OXR1: variants seen among roughly 807,000 people sequenced by gnomAD.
The protein encoded by OXR1 is oxidation resistance 1.
A neutral mutation model predicts 104.6 loss-of-function variants in OXR1; 41 were observed. That is an observed-to-expected ratio of 0.39 (90% CI 0.31 to 0.51). The LOEUF (loss-of-function observed/expected upper bound fraction) is 0.51, where lower values mean the gene tolerates loss of function less well. Among genes scored for constraint, OXR1 ranks in the 20% least tolerant of loss-of-function variants. The pLI, the probability that OXR1 is intolerant of heterozygous loss-of-function variation, is 0.77. For missense variants in OXR1, 955 were observed against 1,031.9 expected (o/e 0.93, Z 1.02); for synonymous variants, 348 against 348.4 (o/e 1.00, Z 0.01).
intron 2 of OXR1, among the ~76,000 whole-genome samples, chr8:106,492,032 C>T (rs1811122661): frequency 6.6e-6 from 1 of 152,086 alleles, no homozygotes; most frequent in South Asian, 2.1e-4. Context: ...ATGGGGCCCC[C>T]AAACTAAAAT....
intron 3 of OXR1, among the ~76,000 whole-genome samples, chr8:106,648,002 G>A (rs967959453): frequency 2.0e-5 from 3 of 152,132 alleles, no homozygotes; most frequent in Non-Finnish European, 4.4e-5. Context: ...CAATGTCTCT[G>A]TGTTTTCTCA....
chr8:106,320,534 A>G (rs1015428835), intron 1 of OXR1, among the ~76,000 whole-genome samples: 3 of 152,254 alleles, frequency 2.0e-5, no homozygotes, highest in Non-Finnish European at 4.4e-5. Context: ...AGGGCAAAGT[A>G]GTATTTTAGC....
intron 3 of OXR1, among the ~76,000 whole-genome samples, chr8:106,550,483 G>C (rs891980957): frequency 6.6e-6 from 1 of 152,132 alleles, no homozygotes. Context: ...GATATGGTTT[G>C]ACTCTGAGTC....
At chr8:106,597,444 T>G (rs1341639891) in intron 3 of OXR1, among the ~76,000 whole-genome samples, 2 of 152,200 alleles carry the variant, frequency 1.3e-5, no homozygotes, top group Non-Finnish European at 2.9e-5. Context: ...CACAATCATT[T>G]TATGATATTT....
intron 2 of OXR1, among the ~76,000 whole-genome samples, chr8:106,464,883 C>A (rs910569287): frequency 2.0e-5 from 3 of 151,966 alleles, no homozygotes; most frequent in Non-Finnish European, 2.9e-5. Context: ...TCTCTGCTGT[C>A]ACTACATTTA....
At chr8:106,297,414 G>A (rs1438548399) in intron 1 of OXR1, among the ~76,000 whole-genome samples, 1 of 152,094 alleles carries the variant, frequency 6.6e-6, no homozygotes, top group Non-Finnish European at 1.5e-5. Flanking sequence ...TCATTGTTAT[G>A]TGAACATCAT....
chr8:106,439,351 CCTGACCACACTGTTACACT>C (rs1819695855), intron 2 of OXR1, among the ~76,000 whole-genome samples: 2 of 152,030 alleles, frequency 1.3e-5, no homozygotes, highest in African/African-American at 4.8e-5. Context: ...TCGCCAAAAA[CCTGACCACACTGTTACACT>C]CTGATCCCAG....
chr8:106,502,973 C>CT (rs1811909387), intron 2 of OXR1, among the ~76,000 whole-genome samples: 1 of 152,146 alleles, frequency 6.6e-6, no homozygotes, highest in Non-Finnish European at 1.5e-5. Flanking sequence ...GGATTACCCT[C>CT]TTGCAACCAA....
intron 1 of OXR1, among the ~76,000 whole-genome samples, chr8:106,340,322 A>T (rs1361374595): frequency 6.6e-6 from 1 of 152,160 alleles, no homozygotes; most frequent in Admixed American, 6.5e-5. Context: ...AGTCCATTAA[A>T]AAAGCAAAGG....
intron 3 of OXR1, among the ~76,000 whole-genome samples, chr8:106,583,404 T>G (rs1010275412): frequency 2.0e-5 from 3 of 152,112 alleles, no homozygotes; most frequent in African/African-American, 7.2e-5. Flanking sequence ...AACTAATAAA[T>G]CAAACCTATA....
At chr8:106,352,616 TC>T (rs1477106859) in intron 1 of OXR1, among the ~76,000 whole-genome samples, 1 of 152,214 alleles carries the variant, frequency 6.6e-6, no homozygotes, top group African/African-American at 2.4e-5. Context: ...GTAAATCCAT[TC>T]AATGAAATGC....
At chr8:106,386,142 C>A (rs528806851) in intron 2 of OXR1, among the ~76,000 whole-genome samples, 1 of 152,272 alleles carries the variant, frequency 6.6e-6, no homozygotes, top group Admixed American at 6.5e-5. Flanking sequence ...CTGTAACTGT[C>A]TACTATCCCG....
At chr8:106,345,809 T>C (rs1815453278) in intron 1 of OXR1, among the ~76,000 whole-genome samples, 1 of 152,218 alleles carries the variant, frequency 6.6e-6, no homozygotes, top group Non-Finnish European at 1.5e-5. Context: ...AAAGCTTCCC[T>C]GTGTCACTCA....
At chr8:106,696,846 T>A (rs1348472178) in intron 7 of OXR1, among the ~76,000 whole-genome samples, 2 of 151,608 alleles carry the variant, frequency 1.3e-5, no homozygotes, top group African/African-American at 4.8e-5. Context: ...TTAGCCACAG[T>A]GAAGGGAATG....
chr8:106,490,510 C>T (rs1389590373), intron 2 of OXR1, among the ~76,000 whole-genome samples: 4 of 152,064 alleles, frequency 2.6e-5, no homozygotes, highest in Non-Finnish European at 2.9e-5. Context: ...AGGCCTGCGC[C>T]ACCACACCCA....
chr8:106,399,977 C>T (rs10110526), intron 2 of OXR1, among the ~76,000 whole-genome samples: 92,888 of 151,988 alleles, frequency 0.61, 31,158 homozygotes, highest in African/African-American at 0.9. Context: ...CAGGCTGTTA[C>T]ATAAAGCAAT....
At chr8:106,323,887 AG>A (rs1225157070) in intron 1 of OXR1, among the ~76,000 whole-genome samples, 1 of 152,168 alleles carries the variant, frequency 6.6e-6, no homozygotes, top group Admixed American at 6.5e-5. Flanking sequence ...TGTGGAGAAA[AG>A]GGAACACTTA....
At position 106,706,619 on chromosome 8, in the gene OXR1, A is replaced by C. The variant is rs755438161; in HGVS notation, c.1098A>C (p.Ser366=). Residue 366 remains serine, a synonymous_variant, in exon 9 of 17, where the codon TCA becomes TCC. Coordinates refer to ENST00000517566, the MANE Select transcript of OXR1 (RefSeq NM_001198533.2). ...GACAAGATAAATCTTCTGGTGCGTC[A>C]TCAGAATCTGTGCAAACTGTCAATC... is the stretch of plus-strand genomic sequence containing the variant. ...ELRQDKSSGA[S]SESVQTVNQA... 1 of 1,613,442 alleles carries C rather than the reference A, an allele frequency of 6.2e-7. No homozygotes were observed. Among genetic ancestry groups the C allele is most frequent in the East Asian group, 2.2e-5 (1 of 44,864 alleles).
intron 2 of OXR1, among the ~76,000 whole-genome samples, chr8:106,374,753 C>T (rs76749296): frequency 2.0e-5 from 3 of 152,236 alleles, no homozygotes; most frequent in African/African-American, 4.8e-5. Flanking sequence ...CACTGACAGA[C>T]GATTTTATAA....
Sources: gnomAD v4.1 joint callset for allele counts (sites outside exome capture counted in the v4.1 genomes callset) on GRCh38, gnomAD v4.1.1 for gene constraint, MANE v1.5 for transcripts, NCBI Gene and HGNC (gene_info 2026-07-23, HGNC 2026-07-21) for gene names.